The following GALK2 variants were observed in gnomAD, a reference collection of about 807,000 sequenced individuals.
GALK2 encodes the protein N-acetylgalactosamine kinase.
GALK2 carries 36 observed loss-of-function variants against 52.4 expected under a neutral mutation model. That is an observed-to-expected ratio of 0.69 (90% CI 0.53 to 0.91). The LOEUF (loss-of-function observed/expected upper bound fraction) is 0.91. Ranked by LOEUF, GALK2 falls within the 40% of genes least tolerant of loss-of-function variation. The probability of loss-of-function intolerance (pLI) is 0.00; values close to 1 mark genes in which losing one functional copy is unlikely to be tolerated. For missense variants in GALK2, 579 were observed against 559.1 expected (o/e 1.04, Z -0.36); for synonymous variants, 176 against 199.1 (o/e 0.88, Z 0.98).
chr15:49,298,519 G>T (rs189599995), intron 8 of GALK2, among the ~76,000 whole-genome samples: 26 of 152,228 alleles, frequency 1.7e-4, no homozygotes, highest in African/African-American at 6.3e-4. Context: ...TCTAGCTTTT[G>T]CCTGTTTAGT....
At chr15:49,223,003 G>A (rs569796557) in intron 3 of GALK2, 1 of 152,170 alleles carries the variant, frequency 6.6e-6, no homozygotes, top group Non-Finnish European at 1.5e-5. Context: ...CAGTGAAGCT[G>A]TCCAGTCTTG....
chr15:49,306,873 A>T (rs759203043), intron 8 of GALK2, among the ~76,000 whole-genome samples: 1 of 152,172 alleles, frequency 6.6e-6, no homozygotes, highest in Non-Finnish European at 1.5e-5. Context: ...GAGCAGCTTC[A>T]GATTCTTCCC....
chr15:49,274,859 C>A (rs1025046401), intron 5 of GALK2, among the ~76,000 whole-genome samples: 5 of 152,134 alleles, frequency 3.3e-5, no homozygotes, highest in African/African-American at 1.2e-4. Context: ...TCTTGTCCTA[C>A]TGGAAGGTCT....
intron 3 of GALK2, among the ~76,000 whole-genome samples, chr15:49,235,153 T>G (rs991168265): frequency 1.3e-5 from 2 of 152,198 alleles, no homozygotes; most frequent in African/African-American, 4.8e-5. Context: ...TTTACTAAGT[T>G]TAGCCCAGTT....
intron 5 of GALK2, among the ~76,000 whole-genome samples, chr15:49,270,431 T>C (rs974088513): frequency 1.3e-5 from 2 of 152,192 alleles, no homozygotes; most frequent in African/African-American, 2.4e-5. Context: ...ATGGATTCTT[T>C]AGAGCACATA....
intron 7 of GALK2, 110 bp downstream of exon 7, chr15:49,283,828 C>A: frequency 9.4e-7 from 1 of 1,066,870 alleles, no homozygotes. Flanking sequence ...AACATTCTGA[C>A]TGCACAGCAT....
intron 5 of GALK2, among the ~76,000 whole-genome samples, chr15:49,271,616 C>G (rs1259363323): frequency 2.0e-5 from 3 of 152,190 alleles, no homozygotes; most frequent in Non-Finnish European, 4.4e-5. Context: ...TATTTAACCT[C>G]TCTATGCTTC....
intron 5 of GALK2, among the ~76,000 whole-genome samples, chr15:49,239,730 A>C (rs969581958): frequency 4.6e-5 from 7 of 152,334 alleles, no homozygotes; most frequent in African/African-American, 1.7e-4. Context: ...AAATTTGACA[A>C]GTAGTGGGTT....
chr15:49,264,123 C>T (rs940617428), intron 5 of GALK2, among the ~76,000 whole-genome samples: 6 of 151,634 alleles, frequency 4.0e-5, no homozygotes, highest in Admixed American at 2.0e-4. Flanking sequence ...GCCTGCCTTG[C>T]TAGATTGGGG....
intron 5 of GALK2, among the ~76,000 whole-genome samples, chr15:49,274,194 T>C (rs1390457103): frequency 6.6e-6 from 1 of 152,216 alleles, no homozygotes; most frequent in Non-Finnish European, 1.5e-5. Flanking sequence ...ATTTTGTCAT[T>C]GTGTCAACAT....
At chr15:49,270,686 C>A (rs2030383400) in intron 5 of GALK2, among the ~76,000 whole-genome samples, 1 of 152,158 alleles carries the variant, frequency 6.6e-6, no homozygotes, top group Middle Eastern at 3.2e-3. Flanking sequence ...AAACCCTTTC[C>A]CCAAGGCAAA....
chr15:49,211,584 A>T (rs1418699392), intron 2 of GALK2, among the ~76,000 whole-genome samples: 1 of 152,180 alleles, frequency 6.6e-6, no homozygotes. Context: ...CTGAGACTGG[A>T]TAATTTATTT....
At chr15:49,260,543 T>C (rs2092054460) in intron 5 of GALK2, among the ~76,000 whole-genome samples, 1 of 147,386 alleles carries the variant, frequency 6.8e-6, no homozygotes, top group African/African-American at 2.5e-5. Flanking sequence ...GGTAGTTTCT[T>C]TTGCTGTGCA....
intron 5 of GALK2, 137 bp downstream of exon 5, chr15:49,239,504 C>G (rs2090991368): frequency 1.3e-6 from 1 of 742,134 alleles, no homozygotes. Flanking sequence ...AGCATTGTAA[C>G]TTAACAAGTG....
rs1282408974 is a variant in GALK2, at chr15:49,241,297, C to T, written c.504+1930C>T. Among the ~76,000 whole-genome samples the T allele has an allele frequency of 2.0e-5, 3 of 152,034 alleles. No homozygotes were observed. In the East Asian group the frequency reaches 5.8e-4, roughly 29 times the overall value. On this transcript the variant is annotated intron_variant, in intron 5 of 9. Transcript: ENST00000560031. ...GAAGCCATAGGAGTGGATCAAGATA[C>T]CTGGTGTTGGAATATAGGTGGAAAG...
At chr15:49,353,521 A>G (rs1356189590) in intron 3 of GALK2, 1 of 152,162 alleles carries the variant, frequency 6.6e-6, no homozygotes, top group Non-Finnish European at 1.5e-5. Flanking sequence ...CATTTCATCA[A>G]GTTAACGTGT....
intron 3 of GALK2, chr15:49,364,974 T>C: frequency 2.7e-6 from 1 of 369,204 alleles, no homozygotes; most frequent in South Asian, 3.9e-5. Context: ...TAATTATTTA[T>C]GATGTAACTG....
At chr15:49,161,716 ATTTAT>A in intron 1 of GALK2, 9 of 179,954 alleles carry the variant, frequency 5.0e-5, no homozygotes, top group Non-Finnish European at 1.0e-4. Flanking sequence ...AAATTTATTT[ATTTAT>A]TTTATTTTAT....
chr15:49,160,543 G>A (rs890969071), intron 1 of GALK2, among the ~76,000 whole-genome samples: 11 of 151,878 alleles, frequency 7.2e-5, no homozygotes, highest in Admixed American at 5.9e-4. Context: ...GACTGATCTC[G>A]TTTACTACTG....
Sources: gnomAD v4.1 joint callset for allele counts (sites outside exome capture counted in the v4.1 genomes callset) on GRCh38, gnomAD v4.1.1 for gene constraint, MANE v1.5 for transcripts, NCBI Gene and HGNC (gene_info 2026-07-23, HGNC 2026-07-21) for gene names.